The following ZFHX3 variants were observed in gnomAD, a reference collection of about 807,000 sequenced individuals.
ZFHX3 encodes zinc finger homeobox protein 3.
In ZFHX3, 42 loss-of-function variants were observed where a neutral mutation model predicts 279.1. The ratio of observed to expected loss-of-function variants is 0.15; its 90% CI spans 0.12 to 0.19. The LOEUF (loss-of-function observed/expected upper bound fraction) is 0.19. ZFHX3 is among the 10% of genes least tolerant of loss of function. The pLI is 1.00. For synonymous variants in ZFHX3, 2,293 were observed against 1,957.8 expected (o/e 1.17, Z -4.52); for missense variants, 4,981 against 4,754.0 (o/e 1.05, Z -1.40).
chr16:73,179,747 T>A (rs1002402442), intron 5 of ZFHX3, among the ~76,000 whole-genome samples: 1 of 152,164 alleles, frequency 6.6e-6, no homozygotes, highest in Non-Finnish European at 1.5e-5. Flanking sequence ...TTTCTGCTTT[T>A]TAAATGAAAT....
chr16:73,459,345 G>C (rs973534301), intron 2 of ZFHX3, among the ~76,000 whole-genome samples: 4 of 152,088 alleles, frequency 2.6e-5, no homozygotes, highest in Admixed American at 2.0e-4. Context: ...ATAAAGGAAA[G>C]AGGTTGTCTT....
chr16:73,178,250 G>A (rs1047627776), intron 5 of ZFHX3, among the ~76,000 whole-genome samples: 3 of 150,586 alleles, frequency 2.0e-5, no homozygotes, highest in Non-Finnish European at 3.0e-5. Context: ...CAATTTTCCT[G>A]CCTCAGCCTC....
chr16:73,188,960 T>A (rs1284394304), intron 5 of ZFHX3, among the ~76,000 whole-genome samples: 1 of 150,782 alleles, frequency 6.6e-6, no homozygotes, highest in Non-Finnish European at 1.5e-5. Context: ...GCCTCCTGGG[T>A]TCAAGCGATT....
At chr16:73,795,728 C>A (rs1261391818) in intron 1 of ZFHX3, among the ~76,000 whole-genome samples, 2 of 152,172 alleles carry the variant, frequency 1.3e-5, no homozygotes, top group Admixed American at 6.5e-5. Flanking sequence ...CCTTAACTAA[C>A]CCAGAATTGC....
Position 72,794,874 on chromosome 16 carries a change from G to T in ZFHX3, c.7808C>A (p.Ser2603Tyr). 1 of 1,614,042 alleles carries T rather than the reference G, an allele frequency of 6.2e-7. No individual in the cohort carries two copies. Among genetic ancestry groups the T allele is most frequent in the Non-Finnish European group, 8.5e-7 (1 of 1,180,040 alleles). ...CATTGTGGAGGTTGGAGTTGAAGGA[G>T]AAGTGGCTGAGCTTGCTGGAATCTG... is the stretch of plus-strand genomic sequence containing the variant. ...IPQIPASSAT[S>Y]PSTPTSTMNT... is the part of the protein sequence containing the mutation. Residue 2603 changes from serine to tyrosine, a missense_variant, in exon 9 of 10, where the codon TCT becomes TAT. By Grantham distance (144) the Ser-to-Tyr change is moderately radical. Around this residue, in one of 7 missense-constraint regions of ZFHX3, gnomAD observed 744 missense variants for 701.3 expected, o/e 1.06. Transcript: ENST00000268489. The surrounding 1 kb of genome is among the most constrained non-coding windows in gnomAD (Gnocchi z 4.2).
chr16:73,707,679 A>ATG (rs1567557347), intron 1 of ZFHX3, among the ~76,000 whole-genome samples: 1 of 151,854 alleles, frequency 6.6e-6, no homozygotes, highest in African/African-American at 2.4e-5. Flanking sequence ...AACATGGCAC[A>ATG]TGTGTACATA....
intron 1 of ZFHX3, among the ~76,000 whole-genome samples, chr16:73,713,265 T>C (rs2075645864): frequency 6.6e-6 from 1 of 152,220 alleles, no homozygotes; most frequent in South Asian, 2.1e-4. Context: ...CCCGTCCCAC[T>C]CAAACAAAAG....
chr16:73,818,103 C>A (rs1960629222), intron 1 of ZFHX3, among the ~76,000 whole-genome samples: 1 of 152,198 alleles, frequency 6.6e-6, no homozygotes, highest in South Asian at 2.1e-4. Flanking sequence ...CCAAACGGGT[C>A]AGGCTTGAAA....
chr16:72,970,378 T>C (rs1438947761), intron 1 of ZFHX3, among the ~76,000 whole-genome samples: 1 of 152,168 alleles, frequency 6.6e-6, no homozygotes, highest in Non-Finnish European at 1.5e-5. Context: ...ATAGTAACTG[T>C]ATCTCACACT....
intron 3 of ZFHX3, among the ~76,000 whole-genome samples, chr16:73,406,160 C>A (rs1202116409): frequency 6.6e-6 from 1 of 152,274 alleles, no homozygotes; most frequent in Non-Finnish European, 1.5e-5. Context: ...ACGCCCCGAA[C>A]TAATTCCTCC....
intron 3 of ZFHX3, among the ~76,000 whole-genome samples, chr16:73,375,743 A>C (rs1333929502): frequency 6.6e-6 from 1 of 152,210 alleles, no homozygotes; most frequent in African/African-American, 2.4e-5. Context: ...GCTTTATCCC[A>C]CACTAGACAC....
chr16:73,435,971 GGCT>G (rs1274222453), intron 3 of ZFHX3, among the ~76,000 whole-genome samples: 1 of 152,214 alleles, frequency 6.6e-6, no homozygotes, highest in Admixed American at 6.5e-5. Flanking sequence ...CACTAGGGAT[GGCT>G]GCTGTTTTAG....
chr16:73,494,883 G>C (rs987614019), intron 2 of ZFHX3, among the ~76,000 whole-genome samples: 1 of 152,032 alleles, frequency 6.6e-6, no homozygotes, highest in African/African-American at 2.4e-5. Context: ...ACGTGTTTAA[G>C]AGGGAACCTG....
intron 3 of ZFHX3, among the ~76,000 whole-genome samples, chr16:73,320,732 G>A (rs180868006): frequency 1.3e-5 from 2 of 152,180 alleles, no homozygotes; most frequent in African/African-American, 2.4e-5. Flanking sequence ...TAAACCATCT[G>A]TGGGATGTCT....
chr16:73,645,308 T>C (rs2052608397), intron 2 of ZFHX3, among the ~76,000 whole-genome samples: 1 of 152,192 alleles, frequency 6.6e-6, no homozygotes, highest in Admixed American at 6.5e-5. Context: ...CAGGCTGGAG[T>C]GCAAGTGGCA....
intron 3 of ZFHX3, among the ~76,000 whole-genome samples, chr16:73,366,141 A>G (rs1224783547): frequency 6.6e-6 from 1 of 152,244 alleles, no homozygotes; most frequent in Non-Finnish European, 1.5e-5. Context: ...AAGAATGGAA[A>G]AGGTTTGGCA....
At chr16:73,092,537 G>C (rs1966096310) in intron 8 of ZFHX3, 1 of 161,384 alleles carries the variant, frequency 6.2e-6, no homozygotes, top group Admixed American at 5.9e-5. Context: ...AAAGGAAAGA[G>C]AAAAAGCAAG....
intron 2 of ZFHX3, among the ~76,000 whole-genome samples, chr16:73,473,293 T>A (rs2018701357): frequency 7.3e-6 from 1 of 137,882 alleles, no homozygotes; most frequent in Non-Finnish European, 1.5e-5. Context: ...GCTATGATTG[T>A]GTCATGGCAC....
chr16:72,960,317 AAC>A (rs961156596), intron 1 of ZFHX3, 123 bp from the exon 2 acceptor site: 8 of 691,252 alleles, frequency 1.2e-5, no homozygotes, highest in Non-Finnish European at 1.8e-5. Context: ...TTCTGTCCAC[AAC>A]ACAGAGACAC....
Sources: gnomAD v4.1 joint callset for allele counts (sites outside exome capture counted in the v4.1 genomes callset) on GRCh38, gnomAD v4.1.1 for gene constraint, gnomAD v4.1.1 regional missense constraint, Gnocchi (gnomAD v3.1) non-coding constraint, MANE v1.5 for transcripts, NCBI Gene and HGNC (gene_info 2026-07-23, HGNC 2026-07-21) for gene names.